NUP214: variants seen among roughly 807,000 people sequenced by gnomAD.
The protein encoded by NUP214 is nucleoporin 214, also known as nuclear pore complex protein Nup214.
In NUP214, 79 loss-of-function variants were observed where a neutral mutation model predicts 196.2. That is an observed-to-expected ratio of 0.40 (90% CI 0.34 to 0.49). The LOEUF (loss-of-function observed/expected upper bound fraction) is 0.49, where lower values mean the gene tolerates loss of function less well. Among genes scored for constraint, NUP214 ranks in the 20% least tolerant of loss-of-function variants. NUP214 has a pLI of 0.58. For missense variants in NUP214, 2,468 were observed against 2,539.0 expected (o/e 0.97, Z 0.60); for synonymous variants, 1,020 against 990.5 (o/e 1.03, Z -0.56).
At position 131,202,485 on chromosome 9, in the gene NUP214, A is replaced by G. The variant is rs192473000; in HGVS notation, c.5592+768A>G. ...GTTGCCCAGGCTGGAGGACAATGGC[A>G]CAATCTTGGCTCACTGCAACCTCCG... On this transcript the variant is annotated intron_variant, in intron 30 of 35. Coordinates refer to ENST00000359428, the MANE Select transcript of NUP214 (RefSeq NM_005085.4). 2.4e-3 allele frequency among the ~76,000 whole-genome samples: 360 copies of G among 152,226 alleles called. 4 individuals are homozygous for G. The highest frequency in any genetic ancestry group is 8.3e-3 in the African/African-American group (346 of 41,528).
chr9:131,142,268 GC>G (rs1281850106), intron 11 of NUP214, among the ~76,000 whole-genome samples: 1 of 152,208 alleles, frequency 6.6e-6, no homozygotes, highest in African/African-American at 2.4e-5. Context: ...TTGTTTCTGA[GC>G]CTTTGCTACT....
chr9:131,222,972 A>G, intron 32 of NUP214, 42 bp downstream of exon 32: 1 of 1,585,306 alleles, frequency 6.3e-7, no homozygotes, highest in South Asian at 1.1e-5. Flanking sequence ...TTATATATGT[A>G]TTTGTTTATG....
intron 30 of NUP214, among the ~76,000 whole-genome samples, chr9:131,212,760 A>G (rs748183611): frequency 1.3e-4 from 20 of 152,172 alleles, no homozygotes; most frequent in Admixed American, 3.9e-4. Flanking sequence ...AAATTTTCGG[A>G]TATAATGGTC....
chr9:131,150,252 G>A (rs1832217301), intron 14 of NUP214, 72 bp from the exon 15 acceptor site: 1 of 1,323,792 alleles, frequency 7.6e-7, no homozygotes, highest in African/African-American at 1.4e-5. Context: ...GCCACTCCCT[G>A]TAATAGGCTC....
chr9:131,206,190 G>C (rs983528486), intron 30 of NUP214, among the ~76,000 whole-genome samples: 3 of 101,584 alleles, frequency 3.0e-5, no homozygotes, highest in Admixed American at 2.1e-4. Context: ...CTGTCGTCAA[G>C]GCTGGAGTGC....
chr9:131,127,742 C>CA (rs1302653716), intron 2 of NUP214, 23 bp downstream of exon 2: 4 of 1,566,310 alleles, frequency 2.6e-6, no homozygotes, highest in Non-Finnish European at 3.5e-6. Flanking sequence ...GTTTATGTTG[C>CA]AAAGTAGAGA....
At chr9:131,201,480 G>A (rs562288485) in intron 29 of NUP214, among the ~76,000 whole-genome samples, 167 bp from the exon 30 acceptor site, 2 of 151,556 alleles carry the variant, frequency 1.3e-5, no homozygotes, top group African/African-American at 2.4e-5. Context: ...CAGGAGAATC[G>A]CTTGAACCTG....
chr9:131,130,718 G>T (rs758116671), intron 4 of NUP214, 48 bp from the exon 5 acceptor site: 4 of 1,520,658 alleles, frequency 2.6e-6, no homozygotes, highest in Non-Finnish European at 3.7e-6. Context: ...GATCTTATTG[G>T]TTTGCTCCAT....
At chr9:131,169,609 A>G (rs1264002286) in intron 21 of NUP214, among the ~76,000 whole-genome samples, 1 of 152,268 alleles carries the variant, frequency 6.6e-6, no homozygotes, top group Non-Finnish European at 1.5e-5. Flanking sequence ...GCAAACACGT[A>G]TAAAGAACAT....
intron 23 of NUP214, among the ~76,000 whole-genome samples, chr9:131,176,103 A>C (rs549062192): frequency 5.3e-5 from 8 of 152,158 alleles, no homozygotes; most frequent in African/African-American, 1.9e-4. Flanking sequence ...GGATCACTTG[A>C]GGCCAGGAGT....
chr9:131,160,592 A>G (rs1194770753), intron 18 of NUP214, among the ~76,000 whole-genome samples: 2 of 152,212 alleles, frequency 1.3e-5, no homozygotes, highest in African/African-American at 2.4e-5. Flanking sequence ...TGAAACACCT[A>G]CACTTGATTA....
At chr9:131,155,275 A>G (rs906112062) in intron 17 of NUP214, among the ~76,000 whole-genome samples, 3 of 152,170 alleles carry the variant, frequency 2.0e-5, no homozygotes, top group Non-Finnish European at 4.4e-5. Context: ...ATGTTTGTCA[A>G]CCATTTGTAT....
chr9:131,129,161 G>T, intron 3 of NUP214, 118 bp from the exon 4 acceptor site: 1 of 834,996 alleles, frequency 1.2e-6, no homozygotes, highest in Admixed American at 2.7e-5. Flanking sequence ...TTATGGTTAT[G>T]GAGAAAAATA....
intron 3 of NUP214, 195 bp downstream of exon 3, chr9:131,128,678 C>A (rs775386967): frequency 1.6e-5 from 8 of 492,832 alleles, no homozygotes; most frequent in African/African-American, 1.6e-4. Flanking sequence ...TCTTTCATAA[C>A]GCCATCTGCC....
rs538196739 is a variant in NUP214 at position 131,233,711 on chromosome 9, A to G, written c.*224A>G. 71 of 576,584 alleles carry G rather than the reference A, an allele frequency of 1.2e-4. No homozygotes were observed. The highest frequency in any genetic ancestry group is 1.2e-3 in the South Asian group (69 of 56,524). 35.7% of individuals were successfully genotyped at this position (576,584 alleles called of 1,614,324 possible). On this transcript the variant is annotated 3_prime_UTR_variant, in exon 36 of 36. Coordinates refer to ENST00000359428, the MANE Select transcript of NUP214 (RefSeq NM_005085.4). ...AACAGTCTGTTTCCGTACAGAACGTATGTGGGTTTTTTCAGATCACAGCCA... is the reference window on the plus strand; with the variant it reads ...AACAGTCTGTTTCCGTACAGAACGTGTGTGGGTTTTTTCAGATCACAGCCA...
At chr9:131,154,359 A>C (rs1832369116) in intron 17 of NUP214, among the ~76,000 whole-genome samples, 1 of 152,060 alleles carries the variant, frequency 6.6e-6, no homozygotes, top group Admixed American at 6.6e-5. Flanking sequence ...AATGTGTAGT[A>C]TTTTAGCCCT....
Position 131,190,345 on chromosome 9 carries a change from AC to A in NUP214, c.3574+1216del, listed in dbSNP as rs1366457821. The stretch of plus-strand genomic sequence containing the variant: ...CACTCTTGGAGTTAGAATCAAAGAA[AC>A]CTAAGGAACTTTGCTTTATGCATGT... On this transcript the variant is annotated intron_variant, in intron 26 of 35. Transcript: ENST00000359428. The A allele has an allele frequency of 5.0e-6, 3 of 605,508 alleles. No homozygotes were observed. The African/African-American group carries it at 5.7e-5, about 12-fold the overall frequency. The allele number at this position is 605,508 out of a possible 1,614,324, so 37.5% of individuals were successfully genotyped here. A position where few individuals can be genotyped will look rare whatever the true frequency, so the allele number is the denominator to read the frequency against.
intron 7 of NUP214, chr9:131,133,854 A>C (rs375831954): frequency 6.6e-6 from 1 of 152,252 alleles, no homozygotes; most frequent in East Asian, 1.9e-4. Flanking sequence ...TTTAATGCCA[A>C]CAGTGTGCTA....
chr9:131,143,359 CTTT>C (rs1161034736), intron 11 of NUP214, among the ~76,000 whole-genome samples: 2 of 151,648 alleles, frequency 1.3e-5, no homozygotes, highest in Non-Finnish European at 2.9e-5. Flanking sequence ...CATTAAATAT[CTTT>C]TTCATTTTTT....
Sources: allele counts gnomAD v4.1 joint callset (sites outside exome capture counted in the v4.1 genomes callset), GRCh38; gene constraint gnomAD v4.1.1; transcripts MANE v1.5; gene names NCBI Gene and HGNC (gene_info 2026-07-23, HGNC 2026-07-21).